SLC22A25: variants seen among roughly 807,000 people sequenced by gnomAD.
SLC22A25 encodes the protein solute carrier family 22 member 25.
Under a neutral mutation model 45.9 loss-of-function variants are expected in SLC22A25, and 44 were observed. That is an observed-to-expected ratio of 0.96 (90% CI 0.75 to 1.23). The LOEUF (loss-of-function observed/expected upper bound fraction) is 1.23. Among genes scored for constraint, SLC22A25 ranks in the 50% most tolerant of loss-of-function variants. The pLI is 0.00. For missense variants in SLC22A25, 800 were observed against 666.4 expected, an observed-to-expected ratio of 1.20 and a Z score of -2.21; for synonymous variants, 283 against 238.6, an observed-to-expected ratio of 1.19 and a Z score of -1.72.
intron 7 of SLC22A25, among the ~76,000 whole-genome samples, chr11:63,186,781 G>C (rs2088568364): frequency 6.6e-6 from 1 of 151,288 alleles, no homozygotes; most frequent in Admixed American, 6.6e-5. Context: ...AGTTTTCCCA[G>C]CACCATTTAT....
Position 63,165,985 on chromosome 11 carries a change from C to T in SLC22A25, c.1285+59G>A, listed in dbSNP as rs1238970913. On this transcript the variant is annotated intron_variant, in intron 10 of 11. Transcript: ENST00000306494. ...TGGCTTCAGATAGGTGTGACCAGGGCAATCCCTGAGAAAAGAGGGAAAGAC... is the reference window on the plus strand; with the variant it reads ...TGGCTTCAGATAGGTGTGACCAGGGTAATCCCTGAGAAAAGAGGGAAAGAC... 34 of 1,581,552 alleles carry T rather than the reference C, an allele frequency of 2.1e-5. No individual in the cohort carries two copies. The South Asian group carries it at 3.7e-4, about 17-fold the overall frequency.
intron 7 of SLC22A25, among the ~76,000 whole-genome samples, chr11:63,204,072 A>C (rs900509015): frequency 6.6e-6 from 1 of 152,230 alleles, no homozygotes; most frequent in African/African-American, 2.4e-5. Context: ...TTCATAATTG[A>C]AGGAGAAATA....
At position 63,236,759 on chromosome 11, in the gene SLC22A25, G is replaced by A. The variant is rs567345670; in HGVS notation, c.-445+1122C>T. On this transcript the variant is annotated intron_variant, in intron 3 of 11. Coordinates refer to ENST00000306494, the MANE Select transcript of SLC22A25 (RefSeq NM_199352.6). ...ATCTTCTGCATCGCTGACCCTGGGA[G>A]CTGTAGACTGGAGCTGTTTCTATTT... 5.3e-5 allele frequency among the ~76,000 whole-genome samples: 8 copies of A among 152,270 alleles called. No homozygotes were observed. In the East Asian group the frequency reaches 1.5e-3, roughly 29 times the overall value.
At chr11:63,241,997 C>T (rs1410795139) in intron 1 of SLC22A25, among the ~76,000 whole-genome samples, 1 of 152,194 alleles carries the variant, frequency 6.6e-6, no homozygotes, top group Non-Finnish European at 1.5e-5. Context: ...CATTACCTCT[C>T]AGCAGAATAT....
intron 5 of SLC22A25, among the ~76,000 whole-genome samples, chr11:63,219,235 T>C (rs1396892015): frequency 6.6e-6 from 1 of 152,166 alleles, no homozygotes; most frequent in Non-Finnish European, 1.5e-5. Flanking sequence ...TATAAATTAA[T>C]GGAGAGTGTT....
rs1386529008 is a variant in SLC22A25, at chr11:63,158,555, A to G, written c.*5269T>C. Among the ~76,000 whole-genome samples, 1 of 152,184 alleles carries G rather than the reference A, an allele frequency of 6.6e-6. No individual in the cohort carries two copies. The highest frequency in any genetic ancestry group is 1.5e-5 in the Non-Finnish European group (1 of 68,032). On this transcript the variant is annotated 3_prime_UTR_variant, in exon 12 of 12. Transcript: ENST00000306494. The stretch of plus-strand genomic sequence containing the variant: ...ATGTGTAATTATCTTGTCATGGAGA[A>G]TGGGGTATCCATCTTCTCAGTCATT...
intron 8 of SLC22A25, among the ~76,000 whole-genome samples, chr11:63,183,480 G>T (rs1169632160): frequency 6.6e-6 from 1 of 152,068 alleles, no homozygotes. Flanking sequence ...CTCTGCCTCT[G>T]TTGAGTAAAA....
At chr11:63,222,482 A>G (rs1014669787) in intron 5 of SLC22A25, among the ~76,000 whole-genome samples, 8 of 152,116 alleles carry the variant, frequency 5.3e-5, no homozygotes, top group Non-Finnish European at 1.0e-4. Flanking sequence ...TTATCCTGCA[A>G]CTTTACAGAA....
In SLC22A25 at chr11:63,158,884, T is replaced by C. The variant is rs1308953292; in HGVS notation, c.*4940A>G. Among the ~76,000 whole-genome samples, 1 of 152,216 alleles carries C rather than the reference T, an allele frequency of 6.6e-6. No individual in the cohort carries two copies. Among genetic ancestry groups the C allele is most frequent in the Non-Finnish European group, 1.5e-5 (1 of 68,040 alleles). On this transcript the variant is annotated 3_prime_UTR_variant, in exon 12 of 12. Coordinates refer to ENST00000306494, the MANE Select transcript of SLC22A25 (RefSeq NM_199352.6). ...TTCCTTTTTTCCCCCCATTAACTAT[T>C]CCCACTTCCCCTGAAGCACCCAATA...
At chr11:63,188,508 AT>A (rs1289513163) in intron 7 of SLC22A25, among the ~76,000 whole-genome samples, 1 of 152,096 alleles carries the variant, frequency 6.6e-6, no homozygotes, top group Non-Finnish European at 1.5e-5. Context: ...TCCTGGATTC[AT>A]TGATTTTTTG....
intron 3 of SLC22A25, among the ~76,000 whole-genome samples, chr11:63,235,609 G>A (rs1021749022): frequency 2.0e-5 from 3 of 152,140 alleles, no homozygotes; most frequent in Admixed American, 6.5e-5. Flanking sequence ...TTAGCTCAGA[G>A]TAGTTTGATC....
intron 3 of SLC22A25, among the ~76,000 whole-genome samples, chr11:63,232,899 T>C (rs1353979657): frequency 6.6e-6 from 1 of 152,162 alleles, no homozygotes; most frequent in Non-Finnish European, 1.5e-5. Context: ...AATCATGTGG[T>C]TTTTGTCTTT....
At chr11:63,167,604 C>G (rs1265599933) in intron 9 of SLC22A25, 1 of 152,560 alleles carries the variant, frequency 6.6e-6, no homozygotes, top group African/African-American at 2.4e-5. Flanking sequence ...TGTGGCCAGA[C>G]TGCCTCTCTA....
chr11:63,196,508 A>G (rs986240799), intron 7 of SLC22A25, among the ~76,000 whole-genome samples: 1 of 152,214 alleles, frequency 6.6e-6, no homozygotes, highest in Non-Finnish European at 1.5e-5. Context: ...CAAAAACCAC[A>G]TGATTATCTC....
chr11:63,211,147 C>T (rs961232355), intron 7 of SLC22A25, among the ~76,000 whole-genome samples: 1 of 152,136 alleles, frequency 6.6e-6, no homozygotes, highest in Non-Finnish European at 1.5e-5. Flanking sequence ...TGCAAACAGA[C>T]CCCTGGGTGG....
chr11:63,184,601 C>A (rs1286735722), intron 7 of SLC22A25, among the ~76,000 whole-genome samples: 1 of 152,092 alleles, frequency 6.6e-6, no homozygotes, highest in African/African-American at 2.4e-5. Flanking sequence ...TTAACTGGAG[C>A]AACTATGCAG....
intron 9 of SLC22A25, chr11:63,166,505 AT>A: frequency 8.2e-7 from 1 of 1,225,074 alleles, no homozygotes; most frequent in Middle Eastern, 3.2e-4. Context: ...GGGTTTATTT[AT>A]TTATTTTAAA....
At chr11:63,199,237 T>C (rs934808709) in intron 7 of SLC22A25, among the ~76,000 whole-genome samples, 4 of 151,896 alleles carry the variant, frequency 2.6e-5, no homozygotes, top group African/African-American at 9.7e-5. Context: ...ATTGACCTCA[T>C]AGAAATACAA....
chr11:63,229,143 T>C, intron 4 of SLC22A25, 108 bp downstream of exon 4: 2 of 1,164,110 alleles, frequency 1.7e-6, no homozygotes, highest in South Asian at 4.8e-5. Flanking sequence ...CCTGAAAGAA[T>C]GAAGAATAAG....
Sources: allele counts gnomAD v4.1 joint callset (sites outside exome capture counted in the v4.1 genomes callset), GRCh38; gene constraint gnomAD v4.1.1; transcripts MANE v1.5; gene names NCBI Gene and HGNC (gene_info 2026-07-23, HGNC 2026-07-21).